The following DPYD variants were observed in gnomAD, a reference collection of about 807,000 sequenced individuals.
The protein encoded by DPYD is dihydropyrimidine dehydrogenase [NADP(+)].
DPYD carries 109 observed loss-of-function variants against 116.2 expected under a neutral mutation model. The observed-to-expected ratio is 0.94, with a 90% CI of 0.80 to 1.10. The LOEUF (loss-of-function observed/expected upper bound fraction) is 1.10. DPYD is among the 50% of genes least tolerant of loss of function. The pLI is 0.00. For missense variants in DPYD, 1,302 were observed against 1,254.5 expected, an observed-to-expected ratio of 1.04 and a Z score of -0.57; for synonymous variants, 440 against 432.0, an observed-to-expected ratio of 1.02 and a Z score of -0.23.
chr1:97,574,905 G>A lies in DPYD; in HGVS notation c.1129-935C>T, dbSNP rs183119821. Among the ~76,000 whole-genome samples, 3 of 152,234 alleles carry A rather than the reference G, an allele frequency of 2.0e-5. No homozygotes were observed. In the East Asian group the frequency reaches 5.8e-4, roughly 29 times the overall value. On this transcript the variant is annotated intron_variant, in intron 10 of 22. Transcript: ENST00000370192. ...TGGGTAATGTTTCCACTGAGGTTGT[G>A]TGTATGAGGCTTCAAACTAAGAGTT...
intron 16 of DPYD, among the ~76,000 whole-genome samples, chr1:97,314,393 G>GT (rs964276254): frequency 2.3e-4 from 34 of 149,190 alleles, no homozygotes; most frequent in African/African-American, 8.4e-4. Context: ...ACTTAATGAT[G>GT]TTTTTTTCTT....
chr1:97,882,853 A>G (rs72979788), intron 2 of DPYD, among the ~76,000 whole-genome samples: 6 of 152,000 alleles, frequency 3.9e-5, no homozygotes, highest in Non-Finnish European at 8.8e-5. Context: ...TTCTTCATTT[A>G]GACTATATCT....
chr1:97,389,904 T>A (rs1334984448), intron 14 of DPYD, among the ~76,000 whole-genome samples: 1 of 151,610 alleles, frequency 6.6e-6, no homozygotes, highest in Admixed American at 6.6e-5. Context: ...TCCATTGTCA[T>A]CCTTTGAAAT....
At position 97,126,662 on chromosome 1, in the gene DPYD, C is replaced by T. The variant is rs555658346; in HGVS notation, c.2623-28030G>A. Among the ~76,000 whole-genome samples the T allele has an allele frequency of 7.2e-5, 11 of 152,254 alleles. No individual in the cohort carries two copies. The East Asian group carries it at 1.2e-3, about 16-fold the overall frequency. The stretch of plus-strand genomic sequence containing the variant: ...AGTATTTACTACACTATACTGAGTA[C>T]CTGACTTTCCCTCAGGCCTAGGACA... On this transcript the variant is annotated intron_variant, in intron 20 of 22. Coordinates refer to ENST00000370192, the MANE Select transcript of DPYD (RefSeq NM_000110.4).
intron 3 of DPYD, among the ~76,000 whole-genome samples, chr1:97,819,218 A>G (rs1668791121): frequency 6.6e-6 from 1 of 152,000 alleles, no homozygotes; most frequent in South Asian, 2.1e-4. Context: ...AGACAAGAGA[A>G]TACTCTTCTC....
At chr1:97,738,214 ACCTATCAAGAAATATAAC>A (rs973813331) in intron 4 of DPYD, among the ~76,000 whole-genome samples, 5 of 152,244 alleles carry the variant, frequency 3.3e-5, no homozygotes, top group African/African-American at 9.6e-5. Flanking sequence ...TTAAAAGAAA[ACCTATCAAGAAATATAAC>A]CCAGGATTCA....
At chr1:97,902,382 G>C (rs1673412298) in intron 1 of DPYD, among the ~76,000 whole-genome samples, 1 of 151,808 alleles carries the variant, frequency 6.6e-6, no homozygotes, top group Non-Finnish European at 1.5e-5. Context: ...ATACTTGAAA[G>C]TAGCATAAGA....
At chr1:97,107,214 C>T (rs913881024) in intron 20 of DPYD, among the ~76,000 whole-genome samples, 1 of 152,076 alleles carries the variant, frequency 6.6e-6, no homozygotes, top group African/African-American at 2.4e-5. Flanking sequence ...CTGCAGATGA[C>T]CCCTCCTTTA....
At chr1:97,260,347 T>C (rs1278981760) in intron 18 of DPYD, among the ~76,000 whole-genome samples, 1 of 152,076 alleles carries the variant, frequency 6.6e-6, no homozygotes, top group Non-Finnish European at 1.5e-5. Context: ...CTGTATCTTT[T>C]TTGGTAATGA....
At chr1:97,868,100 A>T (rs1425244452) in intron 2 of DPYD, among the ~76,000 whole-genome samples, 1 of 151,886 alleles carries the variant, frequency 6.6e-6, no homozygotes, top group Non-Finnish European at 1.5e-5. Context: ...AAAAAAAGAA[A>T]TCAAGAAAAC....
intron 13 of DPYD, among the ~76,000 whole-genome samples, chr1:97,455,458 CAACT>C (rs1256818819): frequency 6.6e-6 from 1 of 151,704 alleles, no homozygotes; most frequent in African/African-American, 2.4e-5. Context: ...ACTTCATGAC[CAACT>C]GTTTCCTAAA....
chr1:97,658,530 A>G (rs994865737), intron 8 of DPYD, among the ~76,000 whole-genome samples: 42 of 152,154 alleles, frequency 2.8e-4, no homozygotes, highest in African/African-American at 9.4e-4. Flanking sequence ...TAATGTTCTC[A>G]TTAAAGTTCC....
At chr1:97,165,512 G>T (rs1656257491) in intron 20 of DPYD, among the ~76,000 whole-genome samples, 1 of 152,022 alleles carries the variant, frequency 6.6e-6, no homozygotes, top group Non-Finnish European at 1.5e-5. Context: ...ACAGGAATGG[G>T]CAAAGATTTC....
At position 97,186,955 on chromosome 1, in the gene DPYD, G is replaced by T. The variant is rs141491382; in HGVS notation, c.2622+6114C>A. 4.0e-3 allele frequency among the ~76,000 whole-genome samples: 606 copies of T among 152,192 alleles called. 7 individuals carry two copies. Among genetic ancestry groups the T allele is most frequent in the Non-Finnish European group, 4.9e-3 (335 of 68,012 alleles). ...TTCATTCTTTTTTTATGGCTGAATAGTATTCTACATTTTCTTTATTATCTG... is the reference window on the plus strand; with the variant it reads ...TTCATTCTTTTTTTATGGCTGAATATTATTCTACATTTTCTTTATTATCTG... On this transcript the variant is annotated intron_variant, in intron 20 of 22. Transcript: ENST00000370192.
chr1:97,378,968 A>T (rs1018437282), intron 15 of DPYD, among the ~76,000 whole-genome samples: 1 of 152,232 alleles, frequency 6.6e-6, no homozygotes, highest in African/African-American at 2.4e-5. Context: ...AAAAAACAAT[A>T]ATCAAACATT....
Position 97,705,524 on chromosome 1 carries a change from A to G in DPYD, c.484-5977T>C, listed in dbSNP as rs555383894. ...TATATGTGCCACATTTTCTTAATCC[A>G]GTCTATCATTGTTGGACATTTGGGT... On this transcript the variant is annotated intron_variant, in intron 5 of 22. Coordinates refer to ENST00000370192, the MANE Select transcript of DPYD (RefSeq NM_000110.4). Among the ~76,000 whole-genome samples, 41 of 151,912 alleles carry G rather than the reference A, an allele frequency of 2.7e-4. No individual in the cohort carries two copies. The East Asian group carries it at 6.0e-3, about 22-fold the overall frequency.
intron 2 of DPYD, among the ~76,000 whole-genome samples, chr1:97,868,514 GTAC>G (rs937086835): frequency 1.3e-5 from 2 of 151,708 alleles, no homozygotes; most frequent in African/African-American, 4.8e-5. Flanking sequence ...ATAATAAAAA[GTAC>G]TACTTAGTGA....
chr1:97,154,250 G>A (rs58721972), intron 20 of DPYD, among the ~76,000 whole-genome samples: 17,079 of 152,144 alleles, frequency 0.11, 1,228 homozygotes, highest in East Asian at 0.38. Flanking sequence ...CAGCCCAAAT[G>A]CCCATCAATC....
intron 20 of DPYD, among the ~76,000 whole-genome samples, chr1:97,137,609 C>T (rs928545659): frequency 3.9e-4 from 59 of 152,282 alleles, no homozygotes; most frequent in African/African-American, 1.4e-3. Flanking sequence ...TCAGTTTTTT[C>T]ATAATGTGCT....
Sources: gnomAD v4.1 joint callset for allele counts (sites outside exome capture counted in the v4.1 genomes callset) on GRCh38, gnomAD v4.1.1 for gene constraint, MANE v1.5 for transcripts, NCBI Gene and HGNC (gene_info 2026-07-23, HGNC 2026-07-21) for gene names.